TECPR2: variants seen among roughly 807,000 people sequenced by gnomAD.
The protein encoded by TECPR2 is tectonin beta-propeller repeat containing 2.
In TECPR2, 65 loss-of-function variants were observed where a neutral mutation model predicts 138.1. The ratio of observed to expected loss-of-function variants is 0.47; its 90% confidence interval spans 0.39 to 0.58. TECPR2 has a LOEUF of 0.58. TECPR2 is among the 20% of genes least tolerant of loss of function. TECPR2 has a pLI of 0.00. For missense variants in TECPR2, 1,553 were observed against 1,824.5 expected (o/e 0.85, Z 2.71); for synonymous variants, 746 against 749.8 (o/e 0.99, Z 0.08).
chr14:102,367,383 A>G (rs1370335969), intron 1 of TECPR2, among the ~76,000 whole-genome samples: 1 of 152,098 alleles, frequency 6.6e-6, no homozygotes, highest in Non-Finnish European at 1.5e-5. Context: ...CCCTAAAAGG[A>G]AACTCCGTAC....
chr14:102,425,991 T>C (rs1270691366), intron 6 of TECPR2, among the ~76,000 whole-genome samples: 1 of 150,828 alleles, frequency 6.6e-6, no homozygotes, highest in African/African-American at 2.4e-5. Flanking sequence ...TTCAAGCGAT[T>C]CTCCTGCCTC....
intron 1 of TECPR2, among the ~76,000 whole-genome samples, chr14:102,375,123 G>A (rs1362463304): frequency 1.3e-5 from 2 of 152,170 alleles, no homozygotes; most frequent in Non-Finnish European, 2.9e-5. Context: ...AGGAGCTTGA[G>A]GCTGTAGTAA....
intron 2 of TECPR2, among the ~76,000 whole-genome samples, chr14:102,388,672 C>CA (rs897979368): frequency 2.8e-5 from 4 of 145,092 alleles, no homozygotes; most frequent in South Asian, 2.2e-4. Flanking sequence ...ACTAAAAATA[C>CA]AAAAAAAAGG....
chr14:102,409,837 C>G (rs916851595), intron 4 of TECPR2, among the ~76,000 whole-genome samples: 2 of 151,960 alleles, frequency 1.3e-5, no homozygotes, highest in African/African-American at 4.8e-5. Flanking sequence ...TGGAGTCTCG[C>G]TCTGTTGCCC....
At chr14:102,418,614 G>GC (rs772552852) in intron 5 of TECPR2, among the ~76,000 whole-genome samples, 1 of 152,216 alleles carries the variant, frequency 6.6e-6, no homozygotes, top group African/African-American at 2.4e-5. Flanking sequence ...TGTGGGCCCT[G>GC]CCCATGGGGC....
intron 9 of TECPR2, among the ~76,000 whole-genome samples, chr14:102,435,559 T>C (rs1454144194): frequency 6.6e-6 from 1 of 152,144 alleles, no homozygotes; most frequent in Non-Finnish European, 1.5e-5. Context: ...AGAAAACCAG[T>C]GGGCAGAGGA....
rs777594505 is a variant in TECPR2, at chr14:102,445,827, C to T, written c.2955C>T (p.Pro985=). The T allele has an allele frequency of 1.7e-5, 28 of 1,613,726 alleles. No homozygotes were observed. The highest frequency in any genetic ancestry group is 1.6e-4 in the African/African-American group (12 of 74,828). ...DIVSERQALE[P]VCITLGDQQT... is the part of the protein sequence containing the mutation. The stretch of plus-strand genomic sequence containing the variant: ...TCAGCGAAAGGCAAGCTTTAGAACC[C>T]GTCTGCATAACGCTCGGGGATCAGC... Residue 985 remains proline (P), a synonymous_variant, in exon 13 of 20, where the codon CCC becomes CCT. Coordinates refer to ENST00000359520, the MANE Select transcript of TECPR2 (RefSeq NM_014844.5).
intron 17 of TECPR2, among the ~76,000 whole-genome samples, chr14:102,494,162 G>A (rs1210181913): frequency 6.6e-6 from 1 of 152,200 alleles, no homozygotes; most frequent in Non-Finnish European, 1.5e-5. Context: ...GCAAATGTGT[G>A]GAGTGAGCGA....
intron 6 of TECPR2, among the ~76,000 whole-genome samples, chr14:102,426,871 G>T (rs180693132): frequency 8.3e-4 from 126 of 152,222 alleles, no homozygotes; most frequent in African/African-American, 3.0e-3. Flanking sequence ...AAAAAGAAAA[G>T]AAAGGGTTTT....
At chr14:102,366,884 A>G (rs761542936) in intron 1 of TECPR2, among the ~76,000 whole-genome samples, 4 of 152,214 alleles carry the variant, frequency 2.6e-5, no homozygotes, top group Non-Finnish European at 5.9e-5. Flanking sequence ...TAGAGGAAAG[A>G]AGGGACAGTT....
At chr14:102,375,347 A>G (rs1024332867) in intron 1 of TECPR2, among the ~76,000 whole-genome samples, 3 of 151,856 alleles carry the variant, frequency 2.0e-5, no homozygotes, top group Non-Finnish European at 2.9e-5. Context: ...CTGTGTCTCA[A>G]AAAAAAAGAA....
intron 2 of TECPR2, among the ~76,000 whole-genome samples, chr14:102,381,664 C>T (rs1887824047): frequency 6.6e-6 from 1 of 152,244 alleles, no homozygotes; most frequent in East Asian, 1.9e-4. Context: ...GAAAGTATTA[C>T]CAGATGAAGG....
chr14:102,444,779 C>T (rs955948053), intron 12 of TECPR2, among the ~76,000 whole-genome samples: 3 of 152,160 alleles, frequency 2.0e-5, no homozygotes, highest in Non-Finnish European at 2.9e-5. Context: ...CGAGACCAGA[C>T]TGACCAACAT....
rs1470630793 is a variant in TECPR2 at position 102,501,745 on chromosome 14, A to T, written c.*3488A>T. 1 of 152,234 alleles carries T rather than the reference A, an allele frequency of 6.6e-6. No homozygotes were observed. The allele number at this position is 152,234 out of a possible 1,614,324, so 9.4% of individuals were successfully genotyped here. On this transcript the variant is annotated 3_prime_UTR_variant, in exon 20 of 20. Transcript: ENST00000359520. The stretch of plus-strand genomic sequence containing the variant: ...AGATTAGCATGGCCCCTGCACAAGG[A>T]TGACTCGCAAATTCATAAAGCTTTC...
At chr14:102,384,163 C>T (rs940843366) in intron 2 of TECPR2, among the ~76,000 whole-genome samples, 5 of 152,068 alleles carry the variant, frequency 3.3e-5, no homozygotes, top group African/African-American at 1.2e-4. Flanking sequence ...AGGTGATCCA[C>T]CTGCCTCGGC....
At chr14:102,465,859 G>A (rs1174666483) in intron 17 of TECPR2, among the ~76,000 whole-genome samples, 4 of 152,124 alleles carry the variant, frequency 2.6e-5, no homozygotes, top group Non-Finnish European at 5.9e-5. Flanking sequence ...GTACTATCTA[G>A]TTACCCTTAA....
At chr14:102,447,746 G>C (rs1049838494) in intron 13 of TECPR2, among the ~76,000 whole-genome samples, 4 of 151,786 alleles carry the variant, frequency 2.6e-5, no homozygotes, top group Non-Finnish European at 4.4e-5. Context: ...TGTTGGCCAG[G>C]TTGGTCTCAA....
chr14:102,403,750 A>G (rs948397408), intron 2 of TECPR2, among the ~76,000 whole-genome samples: 1 of 152,254 alleles, frequency 6.6e-6, no homozygotes, highest in African/African-American at 2.4e-5. Flanking sequence ...TGAAAAAGAA[A>G]TTAAGAGGAA....
In TECPR2 at chr14:102,499,591, C is replaced by A; in HGVS notation, c.*1334C>A. 1 of 283,336 alleles carries A rather than the reference C, an allele frequency of 3.5e-6. No individual in the cohort carries two copies. Among genetic ancestry groups the A allele is most frequent in the Non-Finnish European group, 6.8e-6 (1 of 146,854 alleles). 17.6% of individuals were successfully genotyped at this position (283,336 alleles called of 1,614,324 possible). ...TGGGTTGACACTTGACAGGTTGAAA[C>A]CAGTGCCTCTATGGACGGCTGCTGT... is the stretch of plus-strand genomic sequence containing the variant. On this transcript the variant is annotated 3_prime_UTR_variant, in exon 20 of 20. Coordinates refer to ENST00000359520, the MANE Select transcript of TECPR2 (RefSeq NM_014844.5).
Sources: allele counts gnomAD v4.1 joint callset (sites outside exome capture counted in the v4.1 genomes callset), GRCh38; gene constraint gnomAD v4.1.1; transcripts MANE v1.5; gene names NCBI Gene and HGNC (gene_info 2026-07-23, HGNC 2026-07-21).